The following REEP1 variants were observed in gnomAD, a reference collection of about 807,000 sequenced individuals.
REEP1 encodes receptor accessory protein 1.
Under a neutral mutation model 40.3 loss-of-function variants are expected in REEP1, and 22 were observed. The observed-to-expected ratio is 0.55, with a 90% confidence interval of 0.39 to 0.78. The LOEUF is 0.78. Among genes scored for constraint, REEP1 ranks in the 30% least tolerant of loss-of-function variants. REEP1 has a pLI of 0.00. For synonymous variants in REEP1, 116 were observed against 139.2 expected (o/e 0.83, Z 1.17); for missense variants, 280 against 361.1 (o/e 0.78, Z 1.82).
intron 3 of REEP1, among the ~76,000 whole-genome samples, chr2:86,259,839 G>A (rs922441085): frequency 1.3e-5 from 2 of 152,182 alleles, no homozygotes; most frequent in African/African-American, 4.8e-5. Context: ...AAAGGGATCC[G>A]CCCTAGGGGA....
chr2:86,305,008 A>G (rs1679418623), intron 1 of REEP1, among the ~76,000 whole-genome samples: 2 of 152,280 alleles, frequency 1.3e-5, no homozygotes, highest in East Asian at 1.9e-4. Context: ...GACAGGCTCT[A>G]TGGGCAAAGT....
chr2:86,266,427 G>A (rs940624484), intron 2 of REEP1, among the ~76,000 whole-genome samples: 25 of 151,322 alleles, frequency 1.7e-4, no homozygotes, highest in African/African-American at 6.1e-4. Context: ...AGACCATCCT[G>A]GCTAACAAGG....
intron 1 of REEP1, among the ~76,000 whole-genome samples, chr2:86,300,970 C>A (rs960832938): frequency 1.3e-5 from 2 of 152,134 alleles, no homozygotes; most frequent in Non-Finnish European, 2.9e-5. Flanking sequence ...ACCCAGGTTG[C>A]GCTGGCACCA....
intron 2 of REEP1, among the ~76,000 whole-genome samples, chr2:86,278,550 G>C (rs1677890558): frequency 3.3e-5 from 5 of 152,226 alleles, no homozygotes; most frequent in Admixed American, 2.0e-4. Context: ...ATGTAGTTTG[G>C]GGTAGCCTAA....
chr2:86,297,709 G>A (rs575407559), intron 1 of REEP1: 30 of 985,340 alleles, frequency 3.0e-5, no homozygotes, highest in Middle Eastern at 5.2e-4. Context: ...GGGGAGGAGC[G>A]TCACTGTCTC....
intron 7 of REEP1, among the ~76,000 whole-genome samples, chr2:86,222,341 C>T (rs187702015): frequency 3.7e-4 from 57 of 152,272 alleles, no homozygotes; most frequent in Non-Finnish European, 4.9e-4. Context: ...TCAGCAGAGG[C>T]TGGGAGCAAA....
intron 5 of REEP1, among the ~76,000 whole-genome samples, chr2:86,235,538 G>A (rs1038697122): frequency 5.3e-5 from 8 of 152,202 alleles, no homozygotes; most frequent in Non-Finnish European, 1.2e-4. Flanking sequence ...AGCTGCCTAA[G>A]ACACAAAGGT....
chr2:86,271,331 G>T (rs1403618503), intron 2 of REEP1, among the ~76,000 whole-genome samples: 1 of 142,388 alleles, frequency 7.0e-6, no homozygotes. Context: ...AAAAAAAAAA[G>T]AAAGAAAAGA....
intron 1 of REEP1, among the ~76,000 whole-genome samples, chr2:86,302,222 G>C (rs1679284155): frequency 6.6e-6 from 1 of 152,230 alleles, no homozygotes; most frequent in South Asian, 2.1e-4. Flanking sequence ...TGAGAACACG[G>C]GCCCTTGTCA....
intron 1 of REEP1, among the ~76,000 whole-genome samples, chr2:86,318,450 G>A (rs1680132896): frequency 6.7e-6 from 1 of 148,338 alleles, no homozygotes; most frequent in Non-Finnish European, 1.5e-5. Context: ...CCAGGCTGGA[G>A]TGCAGTGGTA....
At chr2:86,322,079 A>C (rs903500558) in intron 1 of REEP1, among the ~76,000 whole-genome samples, 18 of 152,252 alleles carry the variant, frequency 1.2e-4, no homozygotes, top group Admixed American at 3.9e-4. Context: ...AATTTTATTA[A>C]GATACTAAAT....
At chr2:86,307,482 G>T (rs946462439) in intron 1 of REEP1, among the ~76,000 whole-genome samples, 2 of 152,170 alleles carry the variant, frequency 1.3e-5, no homozygotes, top group Non-Finnish European at 2.9e-5. Context: ...GATATTTAGG[G>T]CTGGGTGCAG....
At chr2:86,253,637 C>T (rs1196866066) in intron 4 of REEP1, among the ~76,000 whole-genome samples, 2 of 152,120 alleles carry the variant, frequency 1.3e-5, no homozygotes, top group African/African-American at 4.8e-5. Context: ...ATTTGATAAC[C>T]AGGTCAAGAC....
intron 5 of REEP1, among the ~76,000 whole-genome samples, chr2:86,239,518 T>C (rs567590103): frequency 6.6e-6 from 1 of 152,296 alleles, no homozygotes; most frequent in South Asian, 2.1e-4. Context: ...TTCCCACCAG[T>C]AATTCAGAAG....
At chr2:86,225,348 C>T (rs917084316) in intron 7 of REEP1, among the ~76,000 whole-genome samples, 3 of 152,158 alleles carry the variant, frequency 2.0e-5, no homozygotes, top group African/African-American at 4.8e-5. Context: ...ATCGGCTCAC[C>T]GCAACCTCTG....
chr2:86,254,638 T>C, intron 4 of REEP1, 56 bp downstream of exon 4: 1 of 1,572,344 alleles, frequency 6.4e-7, no homozygotes, highest in Non-Finnish European at 8.7e-7. Flanking sequence ...CCTTTTTATT[T>C]ATTACTTATT....
intron 1 of REEP1, among the ~76,000 whole-genome samples, chr2:86,319,800 T>C (rs1680200577): frequency 6.6e-6 from 1 of 152,206 alleles, no homozygotes; most frequent in African/African-American, 2.4e-5. Context: ...CCTAATCCAA[T>C]ATGACTAGTG....
chr2:86,294,260 A>C (rs1461636262), intron 1 of REEP1, among the ~76,000 whole-genome samples: 2 of 152,232 alleles, frequency 1.3e-5, no homozygotes, highest in African/African-American at 2.4e-5. Context: ...CTGACTGTAC[A>C]TTTAAAAATG....
chr2:86,221,640 C>T (rs1344738920), intron 7 of REEP1, among the ~76,000 whole-genome samples: 1 of 152,134 alleles, frequency 6.6e-6, no homozygotes, highest in Non-Finnish European at 1.5e-5. Context: ...AGTCTCATTG[C>T]CTCAGCCAAC....
Sources: gnomAD v4.1 joint callset for allele counts (sites outside exome capture counted in the v4.1 genomes callset) on GRCh38, gnomAD v4.1.1 for gene constraint, MANE v1.5 for transcripts, NCBI Gene and HGNC (gene_info 2026-07-23, HGNC 2026-07-21) for gene names.